The following KAT6B variants were observed in gnomAD, a reference collection of about 807,000 sequenced individuals.
The protein encoded by KAT6B is lysine acetyltransferase 6B.
A neutral mutation model predicts 187.5 loss-of-function variants in KAT6B; 10 were observed. The observed-to-expected ratio is 0.05, with a 90% CI of 0.03 to 0.09. The LOEUF is 0.09. KAT6B is among the 10% of genes least tolerant of loss of function. KAT6B has a pLI of 1.00. For synonymous variants in KAT6B, 861 were observed against 926.8 expected, an observed-to-expected ratio of 0.93 and a Z score of 1.29; for missense variants, 1,952 against 2,558.9, an observed-to-expected ratio of 0.76 and a Z score of 5.12.
intron 3 of KAT6B, among the ~76,000 whole-genome samples, chr10:74,857,632 G>C (rs538473615): frequency 6.6e-6 from 1 of 152,162 alleles, no homozygotes; most frequent in African/African-American, 2.4e-5. Flanking sequence ...TGCCACACAG[G>C]GTTTAGTATT....
chr10:74,876,671 T>C, intron 3 of KAT6B, among the ~76,000 whole-genome samples: 1 of 152,082 alleles, frequency 6.6e-6, no homozygotes, highest in African/African-American at 2.4e-5. Context: ...CCCAGCACTT[T>C]GGGAGGCCGA....
intron 3 of KAT6B, among the ~76,000 whole-genome samples, chr10:74,872,725 C>T (rs1040414135): frequency 7.9e-5 from 12 of 151,562 alleles, no homozygotes; most frequent in Non-Finnish European, 1.6e-4. Context: ...CTATGTTGCC[C>T]AGGCTGGGTG....
At chr10:75,006,934 G>A (rs933130446) in intron 13 of KAT6B, among the ~76,000 whole-genome samples, 18 of 151,778 alleles carry the variant, frequency 1.2e-4, no homozygotes, top group African/African-American at 3.9e-4. Flanking sequence ...CGGGTGTTGC[G>A]GCATGCACCT....
chr10:74,880,123 A>G (rs1844742671), intron 3 of KAT6B, among the ~76,000 whole-genome samples: 1 of 152,226 alleles, frequency 6.6e-6, no homozygotes, highest in African/African-American at 2.4e-5. Context: ...AAAGTGTGTA[A>G]TTCAGTGGTT....
intron 4 of KAT6B, among the ~76,000 whole-genome samples, chr10:74,966,493 G>C (rs910577345): frequency 5.9e-5 from 9 of 152,266 alleles, no homozygotes; most frequent in African/African-American, 2.2e-4. Context: ...TCTCCAAAAA[G>C]CTTTTCCACT....
At chr10:74,970,199 T>G in intron 6 of KAT6B, 98 bp downstream of exon 6, 1 of 855,676 alleles carries the variant, frequency 1.2e-6, no homozygotes, top group South Asian at 1.4e-5. Flanking sequence ...TCTTTAAGCA[T>G]TTTTTTCATC....
chr10:74,912,962 C>T (rs987998035), intron 3 of KAT6B, among the ~76,000 whole-genome samples: 1 of 152,076 alleles, frequency 6.6e-6, no homozygotes, highest in African/African-American at 2.4e-5. Context: ...TTGGGTTGTT[C>T]AGTCAATTGC....
At chr10:74,941,606 C>A (rs1849667888) in intron 3 of KAT6B, among the ~76,000 whole-genome samples, 2 of 152,274 alleles carry the variant, frequency 1.3e-5, no homozygotes, top group South Asian at 4.2e-4. Flanking sequence ...TTACCACCAA[C>A]ACACAAACAC....
At chr10:74,947,362 A>G (rs1222512326) in intron 3 of KAT6B, among the ~76,000 whole-genome samples, 1 of 152,196 alleles carries the variant, frequency 6.6e-6, no homozygotes, top group Non-Finnish European at 1.5e-5. Context: ...TAAATGTGCA[A>G]ACATTTAAAA....
intron 3 of KAT6B, among the ~76,000 whole-genome samples, chr10:74,935,152 T>C (rs963113668): frequency 1.4e-4 from 21 of 152,234 alleles, no homozygotes; most frequent in African/African-American, 5.1e-4. Flanking sequence ...GTTGAAATAA[T>C]TTAAGCACTT....
intron 3 of KAT6B, among the ~76,000 whole-genome samples, chr10:74,896,409 A>G (rs1329178641): frequency 3.9e-5 from 6 of 152,040 alleles, no homozygotes; most frequent in Non-Finnish European, 7.4e-5. Context: ...CTCCTGCCTT[A>G]GCCTCTGAGT....
intron 16 of KAT6B, 32 bp from the exon 17 acceptor site, chr10:75,024,926 C>T: frequency 6.2e-7 from 1 of 1,603,496 alleles, no homozygotes; most frequent in African/African-American, 1.3e-5. Flanking sequence ...TTCTCATGAG[C>T]TCTTATGTGT....
intron 13 of KAT6B, among the ~76,000 whole-genome samples, chr10:74,991,411 A>G (rs750116354): frequency 1.3e-5 from 2 of 152,230 alleles, no homozygotes; most frequent in Non-Finnish European, 2.9e-5. Context: ...ATCTGGCACT[A>G]AGGCCTTCTA....
chr10:74,901,335 G>A (rs1374277473), intron 3 of KAT6B, among the ~76,000 whole-genome samples: 2 of 152,148 alleles, frequency 1.3e-5, no homozygotes, highest in African/African-American at 4.8e-5. Context: ...AAATATTGAC[G>A]TTCTGTAAAG....
rs201681469 is a variant in KAT6B, at chr10:74,975,918, T to C, written c.1581T>C (p.Ser527=). ...CCCAGAGTTCTTCCAGCCAGTGCAG[T>C]GTGCCCTCCCTGAGCAGCCTTACCA... is the stretch of plus-strand genomic sequence containing the variant. The part of the protein sequence containing the change: ...PSPQSSSSQC[S]VPSLSSLTTN... The change falls in exon 8 of 18, where the codon AGT becomes AGC. Residue 527 remains serine, a synonymous_variant. Transcript: ENST00000287239. 1 of 1,614,154 alleles carries C rather than the reference T, an allele frequency of 6.2e-7. No individual in the cohort carries two copies. The highest frequency in any genetic ancestry group is 8.5e-7 in the Non-Finnish European group (1 of 1,180,026).
At chr10:74,833,701 G>C (rs1325283220) in intron 1 of KAT6B, among the ~76,000 whole-genome samples, 1 of 152,204 alleles carries the variant, frequency 6.6e-6, no homozygotes. Flanking sequence ...AACTAGGAGA[G>C]CATGACATGA....
At chr10:74,948,001 A>G (rs1840067493) in intron 3 of KAT6B, among the ~76,000 whole-genome samples, 1 of 152,218 alleles carries the variant, frequency 6.6e-6, no homozygotes, top group Non-Finnish European at 1.5e-5. Context: ...GGGTCTAAGA[A>G]TGAGTCTTCT....
At position 74,926,618 on chromosome 10, in the gene KAT6B, C is replaced by T. The variant is rs531688429; in HGVS notation, c.622-33352C>T. Among the ~76,000 whole-genome samples the T allele has an allele frequency of 1.3e-4, 20 of 152,310 alleles. 2 individuals carry two copies. Among genetic ancestry groups the T allele is most frequent in the South Asian group, 4.1e-4 (2 of 4,830 alleles). ...CACATGTTGGGCATGTTGTAGTTGT[C>T]GTTACTAGCAAGACACACCTACCCT... On this transcript the variant is annotated intron_variant, in intron 3 of 17. Transcript: ENST00000287239.
intron 3 of KAT6B, among the ~76,000 whole-genome samples, chr10:74,923,690 C>A (rs1848300292): frequency 6.6e-6 from 1 of 152,024 alleles, no homozygotes; most frequent in South Asian, 2.1e-4. Flanking sequence ...GTGTGGCTGG[C>A]GTGGAGAGAG....
Sources: allele counts gnomAD v4.1 joint callset (sites outside exome capture counted in the v4.1 genomes callset), GRCh38; gene constraint gnomAD v4.1.1; transcripts MANE v1.5; gene names NCBI Gene and HGNC (gene_info 2026-07-23, HGNC 2026-07-21).